QPRT: variants seen among roughly 807,000 people sequenced by gnomAD.
QPRT encodes the protein nicotinate-nucleotide pyrophosphorylase [carboxylating].
A neutral mutation model predicts 19.8 loss-of-function variants in QPRT; 17 were observed. The ratio of observed to expected loss-of-function variants is 0.86; its 90% CI spans 0.59 to 1.29. QPRT has a LOEUF of 1.29. QPRT is among the 50% of genes most tolerant of loss of function. The pLI, the probability that QPRT is intolerant of heterozygous loss-of-function variation, is 0.00. For synonymous variants in QPRT, 178 were observed against 191.0 expected (o/e 0.93, Z 0.56); for missense variants, 336 against 405.1 (o/e 0.83, Z 1.46).
chr16:29,695,519 T>G (rs1967505855), intron 2 of QPRT, among the ~76,000 whole-genome samples: 1 of 137,520 alleles, frequency 7.3e-6, no homozygotes, highest in Non-Finnish European at 1.5e-5. Flanking sequence ...AGATGGAGTC[T>G]CACTCTTTCA....
intron 2 of QPRT, 81 bp downstream of exon 2, chr16:29,695,280 C>A: frequency 7.0e-7 from 1 of 1,422,342 alleles, no homozygotes. Context: ...AGCCTCCAGC[C>A]ATGACCGGGT....
At chr16:29,685,805 G>A (rs543772404) in intron 1 of QPRT, among the ~76,000 whole-genome samples, 77 of 152,178 alleles carry the variant, frequency 5.1e-4, no homozygotes, top group South Asian at 1.0e-3. Flanking sequence ...TTCAAGACCA[G>A]CCTGGGCAAC....
At chr16:29,679,530 T>C (rs913162244) in intron 1 of QPRT, among the ~76,000 whole-genome samples, 1 of 151,030 alleles carries the variant, frequency 6.6e-6, no homozygotes, top group African/African-American at 2.4e-5. Flanking sequence ...GGGAGGCTGG[T>C]TGGGGGAGCA....
intron 1 of QPRT, among the ~76,000 whole-genome samples, chr16:29,682,193 C>T (rs1345144558): frequency 2.1e-5 from 3 of 144,962 alleles, no homozygotes; most frequent in Non-Finnish European, 4.5e-5. Context: ...CCACACCTGG[C>T]TAATTAAAAT....
chr16:29,689,129 C>CT (rs1490486339), intron 1 of QPRT, among the ~76,000 whole-genome samples: 2 of 148,604 alleles, frequency 1.3e-5, no homozygotes, highest in East Asian at 2.0e-4. Flanking sequence ...GAATTGCACT[C>CT]TGTCACCCAG....
At chr16:29,695,484 C>CTTT (rs962384967) in intron 2 of QPRT, among the ~76,000 whole-genome samples, 215 of 93,590 alleles carry the variant, frequency 2.3e-3, no homozygotes, top group Middle Eastern at 0.01. Flanking sequence ...CTAATTTTTG[C>CTTT]TTTTTTTTTT....
chr16:29,687,655 G>A (rs1967200566), intron 1 of QPRT, among the ~76,000 whole-genome samples: 1 of 152,156 alleles, frequency 6.6e-6, no homozygotes, highest in Admixed American at 6.5e-5. Flanking sequence ...GCTGAGGCAG[G>A]AGAACTCAGG....
chr16:29,682,443 G>A (rs1967036587), intron 1 of QPRT, among the ~76,000 whole-genome samples: 1 of 152,000 alleles, frequency 6.6e-6, no homozygotes, highest in African/African-American at 2.4e-5. Context: ...CGTGATCTTG[G>A]CTCACTGCAA....
intron 1 of QPRT, among the ~76,000 whole-genome samples, chr16:29,694,188 G>A (rs925169913): frequency 8.0e-5 from 12 of 150,332 alleles, no homozygotes; most frequent in Non-Finnish European, 1.2e-4. Flanking sequence ...GCCTGATCTC[G>A]GCTCACTGCA....
At chr16:29,685,899 T>G (rs987559300) in intron 1 of QPRT, among the ~76,000 whole-genome samples, 5 of 152,182 alleles carry the variant, frequency 3.3e-5, no homozygotes, top group Admixed American at 3.3e-4. Flanking sequence ...TCGCTCTTGT[T>G]GCCTAGGCTG....
rs1967472435 is a variant in QPRT, at chr16:29,694,886, C to T, written c.236C>T (p.Ser79Leu). Reference protein sequence around the residue: ...CQVSWFLPEGSKLVPVARVAE... With the variant: ...CQVSWFLPEGLKLVPVARVAE... ...GTCTCCTGGTTCCTCCCCGAGGGATCGAAGCTGGTGCCGGTGGCCAGAGTG... is the reference window on the plus strand; with the variant it reads ...GTCTCCTGGTTCCTCCCCGAGGGATTGAAGCTGGTGCCGGTGGCCAGAGTG... Residue 79 changes from serine (S) to leucine (L), a missense_variant, in exon 2 of 4, where the codon TCG becomes TTG. Physicochemically the swap from Ser to Leu is moderately radical, Grantham distance 145 (BLOSUM62 -2). Coordinates refer to ENST00000395384, the MANE Select transcript of QPRT (RefSeq NM_014298.6). The T allele has an allele frequency of 5.0e-6, 8 of 1,613,946 alleles. No homozygotes were observed. Among genetic ancestry groups the T allele is most frequent in the South Asian group, 4.4e-5 (4 of 91,090 alleles).
At chr16:29,680,736 T>C (rs1330374026) in intron 1 of QPRT, among the ~76,000 whole-genome samples, 1 of 151,862 alleles carries the variant, frequency 6.6e-6, no homozygotes, top group Non-Finnish European at 1.5e-5. Context: ...AGGTCAGGTG[T>C]TTGAGACCAG....
At chr16:29,680,608 A>C (rs1398728177) in intron 1 of QPRT, among the ~76,000 whole-genome samples, 2 of 152,134 alleles carry the variant, frequency 1.3e-5, no homozygotes, top group East Asian at 3.9e-4. Context: ...CTGGCTTCTC[A>C]GAGTCCCGTT....
intron 1 of QPRT, among the ~76,000 whole-genome samples, chr16:29,689,808 CCT>C (rs1179716591): frequency 2.0e-5 from 3 of 152,130 alleles, no homozygotes; most frequent in African/African-American, 2.4e-5. Context: ...GCTCGCAGCC[CCT>C]GTCACGTACC....
At chr16:29,679,010 C>T (rs1966908802), upstream of QPRT, 1 of 965,772 alleles carries the variant, frequency 1.0e-6, no homozygotes, top group Non-Finnish European at 1.5e-6. Flanking sequence ...CCTCCTCTGA[C>T]TTTCAGGGCC....
At chr16:29,696,696 A>G (rs1170438515) in intron 2 of QPRT, 1 of 259,028 alleles carries the variant, frequency 3.9e-6, no homozygotes, top group East Asian at 8.7e-5. Context: ...TGGGAGAATC[A>G]CTTGATCCCA....
chr16:29,688,822 C>G (rs1967239787), intron 1 of QPRT, among the ~76,000 whole-genome samples: 1 of 149,632 alleles, frequency 6.7e-6, no homozygotes, highest in African/African-American at 2.5e-5. Flanking sequence ...CTCTTGTTGG[C>G]CAGGCTGGAG....
intron 1 of QPRT, among the ~76,000 whole-genome samples, chr16:29,682,769 G>A (rs548255538): frequency 6.6e-6 from 1 of 152,020 alleles, no homozygotes; most frequent in South Asian, 2.1e-4. Flanking sequence ...AAATTTCCTT[G>A]GTGTTATCAA....
intron 1 of QPRT, among the ~76,000 whole-genome samples, chr16:29,683,246 C>T (rs953836351): frequency 1.3e-5 from 2 of 151,684 alleles, no homozygotes; most frequent in Admixed American, 6.6e-5. Flanking sequence ...AGGCTGGTCT[C>T]GAACTCCTGA....
Sources: gnomAD v4.1 joint callset for allele counts (sites outside exome capture counted in the v4.1 genomes callset) on GRCh38, gnomAD v4.1.1 for gene constraint, MANE v1.5 for transcripts, NCBI Gene and HGNC (gene_info 2026-07-23, HGNC 2026-07-21) for gene names.